Variants in ABCC4 observed in about 807,000 individuals in gnomAD.
ABCC4 encodes the protein ATP-binding cassette sub-family C member 4.
In ABCC4, 102 loss-of-function variants were observed where a neutral mutation model predicts 168.5. The observed-to-expected ratio is 0.61, with a 90% confidence interval of 0.52 to 0.71. The LOEUF is 0.71. ABCC4 is among the 30% of genes least tolerant of loss of function. The pLI, the probability that ABCC4 is intolerant of heterozygous loss-of-function variation, is 0.00. For missense variants in ABCC4, 1,402 were observed against 1,605.8 expected, an observed-to-expected ratio of 0.87 and a Z score of 2.17; for synonymous variants, 617 against 590.7, an observed-to-expected ratio of 1.04 and a Z score of -0.65.
At chr13:95,225,122 C>T (rs2039418259) in intron 4 of ABCC4, among the ~76,000 whole-genome samples, 1 of 53,674 alleles carries the variant, frequency 1.9e-5, no homozygotes, top group Non-Finnish European at 4.8e-5. Context: ...CTCTCCCCCA[C>T]TGTCTGTCTG....
chr13:95,217,648 C>T (rs944977398), intron 4 of ABCC4, among the ~76,000 whole-genome samples: 1 of 151,844 alleles, frequency 6.6e-6, no homozygotes, highest in Non-Finnish European at 1.5e-5. Context: ...GCAGGAGAAT[C>T]GCTTGAACCC....
At chr13:95,279,955 C>G (rs1046172562) in intron 1 of ABCC4, among the ~76,000 whole-genome samples, 1 of 152,150 alleles carries the variant, frequency 6.6e-6, no homozygotes, top group Non-Finnish European at 1.5e-5. Flanking sequence ...ACCACAACAT[C>G]TCAGCATTGT....
intron 1 of ABCC4, among the ~76,000 whole-genome samples, chr13:95,293,966 C>T (rs147540633): frequency 6.6e-6 from 1 of 151,886 alleles, no homozygotes; most frequent in Admixed American, 6.6e-5. Context: ...TCTTTCTTGC[C>T]AGGTGCAAAT....
chr13:95,235,904 A>G (rs887137595), intron 3 of ABCC4, among the ~76,000 whole-genome samples: 1 of 152,196 alleles, frequency 6.6e-6, no homozygotes, highest in Non-Finnish European at 1.5e-5. Flanking sequence ...TCTCTTTATC[A>G]GCCATATTTT....
chr13:95,270,748 C>T (rs892869162), intron 1 of ABCC4, among the ~76,000 whole-genome samples: 1 of 152,214 alleles, frequency 6.6e-6, no homozygotes, highest in Non-Finnish European at 1.5e-5. Context: ...AGTAGGGAAG[C>T]TACAGGCAGA....
intron 8 of ABCC4, among the ~76,000 whole-genome samples, chr13:95,202,817 TTTG>T (rs754931701): frequency 2.2e-4 from 34 of 151,686 alleles, no homozygotes; most frequent in South Asian, 4.2e-4. Context: ...CCCAGCTGAT[TTTG>T]TTGTTGTTGT....
chr13:95,176,451 C>A (rs1335590721), intron 13 of ABCC4, among the ~76,000 whole-genome samples: 1 of 151,960 alleles, frequency 6.6e-6, no homozygotes, highest in African/African-American at 2.4e-5. Context: ...GCTGAGAATG[C>A]ACCACTGCAC....
chr13:95,074,799 T>C (rs931688660), intron 22 of ABCC4, among the ~76,000 whole-genome samples: 1 of 152,168 alleles, frequency 6.6e-6, no homozygotes, highest in African/African-American at 2.4e-5. Flanking sequence ...AGGATTTGCA[T>C]GTGGTTTTTT....
chr13:95,217,429 T>C (rs1356345484), intron 4 of ABCC4, among the ~76,000 whole-genome samples: 1 of 152,060 alleles, frequency 6.6e-6, no homozygotes, highest in Non-Finnish European at 1.5e-5. Flanking sequence ...TCTCTAATAG[T>C]CCTTTTAAAA....
chr13:95,044,505 G>C, intron 27 of ABCC4, 67 bp from the exon 28 acceptor site: 2 of 1,447,358 alleles, frequency 1.4e-6, no homozygotes, highest in Non-Finnish European at 1.9e-6. Flanking sequence ...AAGCCTCATA[G>C]ACATTAGAAC....
At chr13:95,211,681 G>C (rs1352118417) in intron 4 of ABCC4, among the ~76,000 whole-genome samples, 1 of 152,064 alleles carries the variant, frequency 6.6e-6, no homozygotes. Context: ...AGGCAATATG[G>C]AACAGTACGT....
chr13:95,293,196 A>T (rs2041445726), intron 1 of ABCC4, among the ~76,000 whole-genome samples: 1 of 151,928 alleles, frequency 6.6e-6, no homozygotes, highest in Non-Finnish European at 1.5e-5. Flanking sequence ...TGTCTCTAAC[A>T]ACAACAAAAA....
intron 29 of ABCC4, among the ~76,000 whole-genome samples, chr13:95,039,993 G>T (rs1392792085): frequency 6.6e-6 from 1 of 152,190 alleles, no homozygotes; most frequent in Admixed American, 6.5e-5. Flanking sequence ...ATGATGAAAG[G>T]GGTGTACGGA....
At chr13:95,245,529 T>C (rs1037888585) in intron 3 of ABCC4, among the ~76,000 whole-genome samples, 2 of 152,198 alleles carry the variant, frequency 1.3e-5, no homozygotes, top group Non-Finnish European at 2.9e-5. Flanking sequence ...CCAGCACAGG[T>C]TGAAGAGGGG....
chr13:95,175,948 G>C (rs946529212), intron 13 of ABCC4, among the ~76,000 whole-genome samples: 1 of 151,992 alleles, frequency 6.6e-6, no homozygotes, highest in African/African-American at 2.4e-5. Context: ...CCCACCACAG[G>C]AACAGGTGCC....
chr13:95,290,103 A>AATAGATAGATAGACAG (rs559796449), intron 1 of ABCC4, among the ~76,000 whole-genome samples: 2,626 of 113,770 alleles, frequency 0.023, 40 homozygotes, highest in Non-Finnish European at 0.037. Context: ...TCTCAAAAAA[A>AATAGATAGATAGACAG]ATAGATAGAT....
intron 20 of ABCC4, among the ~76,000 whole-genome samples, chr13:95,097,316 C>G (rs764570246): frequency 1.3e-5 from 2 of 152,054 alleles, no homozygotes; most frequent in African/African-American, 4.8e-5. Context: ...CCAACCATAT[C>G]TATAATTACA....
In ABCC4 at chr13:95,186,740, T is replaced by C; in HGVS notation, c.1506A>G (p.Glu502=). 2 of 1,614,084 alleles carry C rather than the reference T, an allele frequency of 1.2e-6. No individual in the cohort carries two copies. Among genetic ancestry groups the C allele is most frequent in the Non-Finnish European group, 8.5e-7 (1 of 1,179,992 alleles). ...AAGCCTTTATGACTTTTTCATATCG[T>C]TCCTTTTCGTATTTCTTCCCAAATA... ...NILFGKKYEK[E]RYEKVIKACA... Residue 502 remains glutamate (E), a synonymous_variant, in exon 11 of 31, where the codon GAA becomes GAG. Transcript: ENST00000645237.
rs992589414 is a variant in ABCC4 at position 95,210,119 on chromosome 13, C to A, written c.622-522G>T. ...TTGGAAAAAAGAAGTGGTCCTAGTG[C>A]AAAATGAATATGGCCAGCAGCTAGA... On this transcript the variant is annotated intron_variant, in intron 5 of 30. Transcript: ENST00000645237. 3.3e-5 allele frequency among the ~76,000 whole-genome samples: 5 copies of A among 152,324 alleles called. No homozygotes were observed. The South Asian group carries it at 8.3e-4, about 25-fold the overall frequency.
Sources: gnomAD v4.1 joint callset for allele counts (sites outside exome capture counted in the v4.1 genomes callset) on GRCh38, gnomAD v4.1.1 for gene constraint, MANE v1.5 for transcripts, NCBI Gene and HGNC (gene_info 2026-07-23, HGNC 2026-07-21) for gene names.